The following ZDHHC14 variants were observed in gnomAD, a reference collection of about 807,000 sequenced individuals.
ZDHHC14 encodes palmitoyltransferase ZDHHC14.
Under a neutral mutation model 47.7 loss-of-function variants are expected in ZDHHC14, and 16 were observed. That is an observed-to-expected ratio of 0.34 (90% CI 0.23 to 0.51). The LOEUF is 0.51. Among genes scored for constraint, ZDHHC14 ranks in the 20% least tolerant of loss-of-function variants. The pLI, the probability that ZDHHC14 is intolerant of heterozygous loss-of-function variation, is 0.97. For missense variants in ZDHHC14, 515 were observed against 662.5 expected, an observed-to-expected ratio of 0.78 and a Z score of 2.44; for synonymous variants, 293 against 278.9, an observed-to-expected ratio of 1.05 and a Z score of -0.50.
intron 3 of ZDHHC14, among the ~76,000 whole-genome samples, chr6:157,596,222 A>G (rs1405748230): frequency 3.9e-5 from 6 of 152,190 alleles, no homozygotes; most frequent in Admixed American, 6.5e-5. Flanking sequence ...GTGGAAGGCA[A>G]ATGTCTCCCA....
chr6:157,458,866 T>TTTTTTTTTTTTTTTTG (rs1778995457), intron 1 of ZDHHC14, among the ~76,000 whole-genome samples: 1 of 141,082 alleles, frequency 7.1e-6, no homozygotes, highest in Non-Finnish European at 1.5e-5. Flanking sequence ...TTTTTTTTTT[T>TTTTTTTTTTTTTTTTG]TTTTTGAGAC....
intron 2 of ZDHHC14, among the ~76,000 whole-genome samples, chr6:157,545,602 C>T (rs537550561): frequency 6.4e-4 from 97 of 151,662 alleles, no homozygotes; most frequent in African/African-American, 2.0e-3. Context: ...GGCATGAACC[C>T]GGGAGGCAGA....
chr6:157,409,891 C>T (rs1343740590), intron 1 of ZDHHC14, among the ~76,000 whole-genome samples: 4 of 151,908 alleles, frequency 2.6e-5, no homozygotes, highest in South Asian at 2.1e-4. Flanking sequence ...TGCAGTGGCG[C>T]GATCTCGGCT....
At chr6:157,416,988 T>TG (rs1562416891) in intron 1 of ZDHHC14, among the ~76,000 whole-genome samples, 21 of 135,570 alleles carry the variant, frequency 1.5e-4, no homozygotes, top group African/African-American at 5.6e-4. Flanking sequence ...TTTTTTTTTT[T>TG]TTTTTTTTTT....
At chr6:157,603,101 G>GTT (rs1784398311) in intron 3 of ZDHHC14, among the ~76,000 whole-genome samples, 2 of 152,166 alleles carry the variant, frequency 1.3e-5, no homozygotes. Flanking sequence ...GACGTCCACA[G>GTT]TGCTTCATGG....
At chr6:157,669,913 G>A (rs957722482) in intron 8 of ZDHHC14, among the ~76,000 whole-genome samples, 5 of 152,222 alleles carry the variant, frequency 3.3e-5, no homozygotes, top group South Asian at 2.1e-4. Flanking sequence ...GTAAGAATAC[G>A]AAACGGTGAT....
At chr6:157,388,586 A>G (rs1777363548) in intron 1 of ZDHHC14, among the ~76,000 whole-genome samples, 1 of 152,174 alleles carries the variant, frequency 6.6e-6, no homozygotes, top group Non-Finnish European at 1.5e-5. Flanking sequence ...ATCTAATAAA[A>G]TGTCAGTTCA....
chr6:157,556,336 G>T (rs1400220508), intron 2 of ZDHHC14, among the ~76,000 whole-genome samples: 1 of 152,198 alleles, frequency 6.6e-6, no homozygotes. Flanking sequence ...TGTTCCACAT[G>T]CCCATCAGTC....
At chr6:157,510,030 A>G (rs932789766) in intron 1 of ZDHHC14, among the ~76,000 whole-genome samples, 2 of 152,180 alleles carry the variant, frequency 1.3e-5, no homozygotes, top group Non-Finnish European at 2.9e-5. Flanking sequence ...GGATCACCCA[A>G]AGTCAGGAGT....
chr6:157,612,358 T>TA (rs1562507860), intron 3 of ZDHHC14, among the ~76,000 whole-genome samples: 1 of 152,172 alleles, frequency 6.6e-6, no homozygotes, highest in Non-Finnish European at 1.5e-5. Flanking sequence ...ATCTCATCAC[T>TA]ATGGGAAGGA....
intron 1 of ZDHHC14, among the ~76,000 whole-genome samples, chr6:157,394,393 G>A (rs1283242236): frequency 6.6e-6 from 1 of 152,196 alleles, no homozygotes; most frequent in Non-Finnish European, 1.5e-5. Context: ...CCAAGGTGAG[G>A]TTAGAAAACA....
rs201670452 is a variant in ZDHHC14, at chr6:157,453,463, ATGGCCCATT to A, written c.245+71199_245+71207del. 2.0e-5 allele frequency among the ~76,000 whole-genome samples: 3 copies of A among 152,120 alleles called. No homozygotes were observed. The East Asian group carries it at 5.8e-4, about 29-fold the overall frequency. ...TGAACCATCAAAGGGCTTTAATTCTATGGCCCATTTTCACTCAAACTTGAGTTTCATATT... is the reference window on the plus strand; with the variant it reads ...TGAACCATCAAAGGGCTTTAATTCTATTCACTCAAACTTGAGTTTCATATT... On this transcript the variant is annotated intron_variant, in intron 1 of 8. Coordinates refer to ENST00000359775, the MANE Select transcript of ZDHHC14 (RefSeq NM_024630.3).
At chr6:157,604,896 C>T (rs1784475418) in intron 3 of ZDHHC14, among the ~76,000 whole-genome samples, 1 of 152,162 alleles carries the variant, frequency 6.6e-6, no homozygotes, top group African/African-American at 2.4e-5. Context: ...ATGAGTTGCC[C>T]AGAATTGAAA....
chr6:157,605,012 T>A (rs1201279698), intron 3 of ZDHHC14, among the ~76,000 whole-genome samples: 1 of 152,260 alleles, frequency 6.6e-6, no homozygotes, highest in African/African-American at 2.4e-5. Flanking sequence ...TGTCAGCTGA[T>A]CCAGCTGCTC....
chr6:157,615,971 C>G (rs1784948543), intron 3 of ZDHHC14, among the ~76,000 whole-genome samples: 1 of 152,200 alleles, frequency 6.6e-6, no homozygotes, highest in Admixed American at 6.5e-5. Flanking sequence ...AGGAGCTCAG[C>G]TTGGAAACCC....
chr6:157,595,259 C>A lies in ZDHHC14; in HGVS notation c.565+2113C>A, dbSNP rs1438389085. On this transcript the variant is annotated intron_variant, in intron 3 of 8. Coordinates refer to ENST00000359775, the MANE Select transcript of ZDHHC14 (RefSeq NM_024630.3). Reference sequence around the variant, plus strand: ...CCAGGCTGGAGTGCAGTGGCATGATCTCAGCTCATTGCAACCTCCACCTCC... The same window carrying A: ...CCAGGCTGGAGTGCAGTGGCATGATATCAGCTCATTGCAACCTCCACCTCC... Among the ~76,000 whole-genome samples, 8 of 127,972 alleles carry A rather than the reference C, an allele frequency of 6.3e-5. No individual in the cohort carries two copies. In the Admixed American group the frequency reaches 7.5e-4, roughly 12 times the overall value. The allele number at this position is 127,972 out of a possible 152,430, so 84.0% of individuals were successfully genotyped here.
chr6:157,670,348 C>T (rs1161601334), intron 8 of ZDHHC14, among the ~76,000 whole-genome samples: 1 of 152,188 alleles, frequency 6.6e-6, no homozygotes, highest in East Asian at 1.9e-4. Context: ...GGCTGGAGTA[C>T]AGTGGCGTGA....
In ZDHHC14 at chr6:157,617,051, A is replaced by G. The variant is rs139594916; in HGVS notation, c.566-11298A>G. ...ACCATCGTGAATATTACAAGCATGA[A>G]TGGCAGCCTCATGGAAAGAACCCTC... On this transcript the variant is annotated intron_variant, in intron 3 of 8. Transcript: ENST00000359775. Among the ~76,000 whole-genome samples the G allele has an allele frequency of 5.1e-3, 783 of 152,298 alleles. 12 individuals are homozygous for G. Among genetic ancestry groups the G allele is most frequent in the African/African-American group, 0.017 (710 of 41,554 alleles).
At chr6:157,447,319 G>A (rs1480307659) in intron 1 of ZDHHC14, among the ~76,000 whole-genome samples, 1 of 152,204 alleles carries the variant, frequency 6.6e-6, no homozygotes, top group Non-Finnish European at 1.5e-5. Context: ...GCGTCCAAGG[G>A]TCAAGTGGGG....
Sources: allele counts gnomAD v4.1 joint callset (sites outside exome capture counted in the v4.1 genomes callset), GRCh38; gene constraint gnomAD v4.1.1; transcripts MANE v1.5; gene names NCBI Gene and HGNC (gene_info 2026-07-23, HGNC 2026-07-21).